Variants in AKR1E2 observed in about 807,000 individuals in gnomAD.
AKR1E2 encodes aldo-keto reductase family 1 member E2.
In AKR1E2, 43 loss-of-function variants were observed where a neutral mutation model predicts 41.9. That is an observed-to-expected ratio of 1.03 (90% CI 0.80 to 1.32). AKR1E2 has a LOEUF of 1.32. AKR1E2 is among the 40% of genes most tolerant of loss of function. AKR1E2 has a pLI of 0.00. For synonymous variants in AKR1E2, 121 were observed against 138.9 expected, an observed-to-expected ratio of 0.87 and a Z score of 0.91; for missense variants, 423 against 396.5, an observed-to-expected ratio of 1.07 and a Z score of -0.57.
the AKR1E2 span, among the ~76,000 whole-genome samples, chr10:4,865,583 T>TC: frequency 4.6e-5 from 7 of 152,178 alleles, no homozygotes; most frequent in Admixed American, 3.9e-4. Flanking sequence ...ATTTCCCTTT[T>TC]CCCCACTCAA....
chr10:4,830,859 C>T lies in AKR1E2; in HGVS notation c.207+17C>T. ...GCCACTAAGGTAGGGCTTCTCTATG[C>T]AAGGCTGGCAGAGCTTGGGTAATGC... On this transcript the variant is annotated intron_variant, in intron 2 of 9. Coordinates refer to ENST00000298375, the MANE Select transcript of AKR1E2 (RefSeq NM_001040177.3). 1 of 1,613,672 alleles carries T rather than the reference C, an allele frequency of 6.2e-7. No homozygotes were observed. The highest frequency in any genetic ancestry group is 8.5e-7 in the Non-Finnish European group (1 of 1,179,710).
intron 5 of AKR1E2, 69 bp downstream of exon 5, chr10:4,837,650 C>G: frequency 1.3e-6 from 2 of 1,569,180 alleles, no homozygotes; most frequent in Non-Finnish European, 1.7e-6. Context: ...CTCCACAGGG[C>G]TCTTCTGGAA....
the AKR1E2 span, among the ~76,000 whole-genome samples, chr10:4,862,288 A>G: frequency 6.6e-6 from 1 of 152,102 alleles, no homozygotes; most frequent in Non-Finnish European, 1.5e-5. Flanking sequence ...CCATTGGTCT[A>G]TATCTCTGTT....
the AKR1E2 span, among the ~76,000 whole-genome samples, chr10:4,868,184 G>C: frequency 1.3e-5 from 2 of 152,094 alleles, no homozygotes; most frequent in South Asian, 4.1e-4. Flanking sequence ...CAGCTTCTGG[G>C]TTCCTGTTGC....
chr10:4,843,443 T>C (rs1834043249), intron 8 of AKR1E2, among the ~76,000 whole-genome samples: 1 of 152,152 alleles, frequency 6.6e-6, no homozygotes, highest in Non-Finnish European at 1.5e-5. Context: ...CCCACACCCA[T>C]TGATCATGTC....
At chr10:4,865,805 CAA>C in the AKR1E2 span, among the ~76,000 whole-genome samples, 2 of 152,100 alleles carry the variant, frequency 1.3e-5, no homozygotes, top group Admixed American at 1.3e-4. Flanking sequence ...TGAAGCTTAA[CAA>C]AAAGAGTCCA....
Position 4,847,228 on chromosome 10 carries a change from C to T in AKR1E2, c.918C>T (p.Pro306=), listed in dbSNP as rs577547952. 1.7e-5 allele frequency: 27 copies of T among 1,613,878 alleles called. 1 individual carries two copies. In the African/African-American group the frequency reaches 2.9e-4, roughly 18 times the overall value. ...GGAATCTCCGACTGGCCATGTTCCC[C>T]ATGTAAATATGGCTCCTTCTTTTTA... ...LNRNLRLAMF[P]ITKNHKDYPF... Residue 306 remains proline, a splice_region_variant and synonymous_variant, in exon 9 of 10, where the codon CCC becomes CCT. Coordinates refer to ENST00000298375, the MANE Select transcript of AKR1E2 (RefSeq NM_001040177.3).
At chr10:4,863,908 C>A in the AKR1E2 span, among the ~76,000 whole-genome samples, 1 of 152,014 alleles carries the variant, frequency 6.6e-6, no homozygotes, top group Non-Finnish European at 1.5e-5. Flanking sequence ...AAGACTAAAC[C>A]AGGAAGAAGT....
chr10:4,872,026 CA>C, the AKR1E2 span: 1 of 152,192 alleles, frequency 6.6e-6, no homozygotes, highest in Admixed American at 6.5e-5. Context: ...ACAATTAACA[CA>C]GTTTTCTTTG....
At chr10:4,828,383 C>A (rs1335866379) in intron 1 of AKR1E2, among the ~76,000 whole-genome samples, 1 of 152,210 alleles carries the variant, frequency 6.6e-6, no homozygotes, top group Non-Finnish European at 1.5e-5. Flanking sequence ...GCCACTTGAT[C>A]CATCTGTGTG....
chr10:4,857,076 A>G, the AKR1E2 span, among the ~76,000 whole-genome samples: 1 of 152,210 alleles, frequency 6.6e-6, no homozygotes, highest in South Asian at 2.1e-4. Flanking sequence ...TAGGGACCTC[A>G]TATAGGTAGA....
At chr10:4,868,293 A>G in the AKR1E2 span, among the ~76,000 whole-genome samples, 1 of 152,138 alleles carries the variant, frequency 6.6e-6, no homozygotes, top group South Asian at 2.1e-4. Flanking sequence ...CTTTCTCTAT[A>G]TGGCCATCCT....
chr10:4,835,637 G>GT (rs1554755355), intron 3 of AKR1E2, 38 bp from the exon 4 acceptor site: 1 of 1,471,786 alleles, frequency 6.8e-7, no homozygotes, highest in Non-Finnish European at 9.4e-7. Context: ...GTTTTGTTTT[G>GT]TTTTGTTTTC....
At chr10:4,873,035 C>G in the AKR1E2 span, among the ~76,000 whole-genome samples, 1 of 152,252 alleles carries the variant, frequency 6.6e-6, no homozygotes, top group African/African-American at 2.4e-5. Context: ...TGTGGTTTGG[C>G]TGTGTCCCCA....
At chr10:4,831,983 C>T (rs1286001811) in intron 2 of AKR1E2, among the ~76,000 whole-genome samples, 2 of 152,136 alleles carry the variant, frequency 1.3e-5, no homozygotes, top group African/African-American at 2.4e-5. Context: ...AAGGCCTGCA[C>T]TGGCACAGTG....
the AKR1E2 span, among the ~76,000 whole-genome samples, chr10:4,868,330 C>G: frequency 6.6e-6 from 1 of 152,258 alleles, no homozygotes; most frequent in East Asian, 1.9e-4. Flanking sequence ...CAGAGTTTCT[C>G]TCATCCATTA....
chr10:4,850,135 C>T (rs563180093), downstream of AKR1E2, among the ~76,000 whole-genome samples: 18 of 152,288 alleles, frequency 1.2e-4, no homozygotes, highest in Admixed American at 3.3e-4. Flanking sequence ...TTCTTTGGTT[C>T]CCTGCTTTTC....
At chr10:4,844,638 GT>G (rs1285350247) in intron 8 of AKR1E2, among the ~76,000 whole-genome samples, 1 of 148,802 alleles carries the variant, frequency 6.7e-6, no homozygotes, top group African/African-American at 2.4e-5. Context: ...TAGATACAGA[GT>G]GTCAACACAA....
chr10:4,831,317 T>G (rs1193678448), intron 2 of AKR1E2, among the ~76,000 whole-genome samples: 1 of 152,182 alleles, frequency 6.6e-6, no homozygotes, highest in Non-Finnish European at 1.5e-5. Flanking sequence ...TGTAGGAAGC[T>G]TGGTGTATTA....
Sources: gnomAD v4.1 joint callset for allele counts (sites outside exome capture counted in the v4.1 genomes callset) on GRCh38, gnomAD v4.1.1 for gene constraint, MANE v1.5 for transcripts, NCBI Gene and HGNC (gene_info 2026-07-23, HGNC 2026-07-21) for gene names.